PRH1: variants seen among roughly 807,000 people sequenced by gnomAD.
The protein encoded by PRH1 is proline rich protein HaeIII subfamily 1.
Under a neutral mutation model 7.9 loss-of-function variants are expected in PRH1, and 7 were observed. The ratio of observed to expected loss-of-function variants is 0.89; its 90% CI spans 0.50 to 1.67. The LOEUF (loss-of-function observed/expected upper bound fraction) is 1.67. Ranked by LOEUF, PRH1 falls within the 40% of genes most tolerant of loss-of-function variation. The pLI is 0.00. For missense variants in PRH1, 109 were observed against 223.6 expected (o/e 0.49, Z 3.27); for synonymous variants, 45 against 80.8 (o/e 0.56, Z 2.38).
chr12:10,887,751 T>C (rs1054775616), upstream of PRH1, among the ~76,000 whole-genome samples: 1 of 152,128 alleles, frequency 6.6e-6, no homozygotes, highest in African/African-American at 2.4e-5. Context: ...TTAAGTCACA[T>C]GGCTAGGGTC....
chr12:11,086,144 A>G (rs75414327), intron 1 of PRH1, among the ~76,000 whole-genome samples: 39,362 of 94,832 alleles, frequency 0.42, 4,363 homozygotes, highest in Non-Finnish European at 0.5. Flanking sequence ...TGAGTAAATT[A>G]TTGTCCTATA....
intron 1 of PRH1, among the ~76,000 whole-genome samples, chr12:11,072,718 TGG>T (rs1944129548): frequency 6.7e-6 from 1 of 149,644 alleles, no homozygotes; most frequent in Non-Finnish European, 1.5e-5. Context: ...CTCTAGGATG[TGG>T]TATCTTCCCT....
chr12:11,012,472 T>C (rs185580547), intron 1 of PRH1, among the ~76,000 whole-genome samples: 1 of 152,278 alleles, frequency 6.6e-6, no homozygotes, highest in East Asian at 1.9e-4. Flanking sequence ...CTTTCAATTT[T>C]ACATGTTCAG....
At chr12:11,092,436 T>A (rs1191107289) in intron 1 of PRH1, 2 of 310,594 alleles carry the variant, frequency 6.4e-6, no homozygotes, top group African/African-American at 2.5e-5. Flanking sequence ...TTCCACAGAG[T>A]GAAAGGCAAC....
intron 2 of PRH1, among the ~76,000 whole-genome samples, chr12:10,897,962 C>T (rs1054020351): frequency 5.3e-5 from 8 of 152,134 alleles, no homozygotes; most frequent in African/African-American, 1.9e-4. Context: ...TTTTATTATG[C>T]AGCAATAGAG....
At chr12:10,990,775 G>T (rs781736503) in intron 1 of PRH1, among the ~76,000 whole-genome samples, 1 of 152,222 alleles carries the variant, frequency 6.6e-6, no homozygotes, top group Non-Finnish European at 1.5e-5. Context: ...GATGACAAGG[G>T]ATTGGATTCT....
At chr12:11,065,177 G>A (rs1943758080) in intron 1 of PRH1, among the ~76,000 whole-genome samples, 1 of 151,962 alleles carries the variant, frequency 6.6e-6, no homozygotes, top group Admixed American at 6.6e-5. Flanking sequence ...CTTCATTTTT[G>A]TCTGTTGAAA....
At chr12:11,153,058 A>G (rs1947147381) in intron 1 of PRH1, among the ~76,000 whole-genome samples, 1 of 152,204 alleles carries the variant, frequency 6.6e-6, no homozygotes, top group Non-Finnish European at 1.5e-5. Flanking sequence ...GTGACACAAC[A>G]GTTATTTAAA....
intron 1 of PRH1, among the ~76,000 whole-genome samples, chr12:11,054,063 C>T (rs1943260102): frequency 6.6e-6 from 1 of 152,116 alleles, no homozygotes; most frequent in Non-Finnish European, 1.5e-5. Flanking sequence ...TCAGGTGATC[C>T]ACCAGTCTCA....
At chr12:11,171,274 C>A in intron 1 of PRH1, 3 of 922,456 alleles carry the variant, frequency 3.3e-6, no homozygotes, top group Non-Finnish European at 4.3e-6. Context: ...TACCGTCCTG[C>A]CGGTCCCAGC....
At chr12:10,884,118 A>G (rs1949453090) in intron 1 of PRH1, 36 bp downstream of exon 1, 6 of 1,613,568 alleles carry the variant, frequency 3.7e-6, no homozygotes, top group Admixed American at 1.7e-5. Context: ...GTAAACCCCA[A>G]TCAGAGTCAC....
At position 10,987,693 on chromosome 12, in the gene PRH1, AC is replaced by A. The variant is rs145486486; in HGVS notation, c.-125-13973del. Among the ~76,000 whole-genome samples the A allele has an allele frequency of 1.5e-3, 220 of 151,344 alleles. 1 individual carries two copies. Among genetic ancestry groups the A allele is most frequent in the Non-Finnish European group, 2.5e-3 (171 of 67,816 alleles). On this transcript the variant is annotated intron_variant, in intron 1 of 3. Transcript: ENST00000539853. ...CCCAGTGAAAACTGAGGGTTTTCAG[AC>A]CCCCCCCAAAAAAATGTATCAAACA... is the stretch of plus-strand genomic sequence containing the variant.
At chr12:11,011,068 A>G (rs1217266228) in intron 1 of PRH1, among the ~76,000 whole-genome samples, 1 of 152,074 alleles carries the variant, frequency 6.6e-6, no homozygotes, top group African/African-American at 2.4e-5. Flanking sequence ...CAAAGGAAAA[A>G]AATGTTAAAA....
intron 1 of PRH1, among the ~76,000 whole-genome samples, chr12:11,003,510 T>TATATATATATATAA (rs1239870231): frequency 1.6e-4 from 24 of 152,028 alleles, no homozygotes; most frequent in Non-Finnish European, 1.3e-4. Flanking sequence ...GTTATGATAA[T>TATATATATATATAA]CACTTATATG....
chr12:11,017,905 G>A (rs1165809977), intron 1 of PRH1, among the ~76,000 whole-genome samples: 1 of 152,118 alleles, frequency 6.6e-6, no homozygotes. Flanking sequence ...CCACAGTAGA[G>A]GATATTGCTC....
At chr12:10,906,610 C>T (rs930271827) in intron 2 of PRH1, among the ~76,000 whole-genome samples, 1 of 152,094 alleles carries the variant, frequency 6.6e-6, no homozygotes, top group Admixed American at 6.5e-5. Context: ...GTGGTTTCCC[C>T]CATACTGTTC....
At chr12:10,913,292 A>AAT (rs1949926597) in intron 2 of PRH1, among the ~76,000 whole-genome samples, 1 of 152,152 alleles carries the variant, frequency 6.6e-6, no homozygotes, top group African/African-American at 2.4e-5. Context: ...AGTCTCTACT[A>AAT]AAACTACAAA....
chr12:11,170,700 A>G (rs1394033586), intron 1 of PRH1, among the ~76,000 whole-genome samples: 3 of 152,218 alleles, frequency 2.0e-5, no homozygotes, highest in Non-Finnish European at 4.4e-5. Context: ...GGCTGGGAAT[A>G]TAATTTTGTA....
chr12:11,155,545 T>C (rs889138276), intron 1 of PRH1, among the ~76,000 whole-genome samples: 2 of 152,222 alleles, frequency 1.3e-5, no homozygotes, highest in Non-Finnish European at 2.9e-5. Context: ...GATTCGTTTA[T>C]TGCAGAAATT....
Sources: allele counts gnomAD v4.1 joint callset (sites outside exome capture counted in the v4.1 genomes callset), GRCh38; gene constraint gnomAD v4.1.1; transcripts MANE v1.5; gene names NCBI Gene and HGNC (gene_info 2026-07-23, HGNC 2026-07-21).